The following PDE10A variants were observed in gnomAD, a reference collection of about 807,000 sequenced individuals.
PDE10A encodes cAMP and cAMP-inhibited cGMP 3',5'-cyclic phosphodiesterase 10A.
In PDE10A, 39 loss-of-function variants were observed where a neutral mutation model predicts 97.7. That is an observed-to-expected ratio of 0.40 (90% CI 0.31 to 0.52). PDE10A has a LOEUF of 0.52. Among genes scored for constraint, PDE10A ranks in the 20% least tolerant of loss-of-function variants. The probability of loss-of-function intolerance (pLI) is 0.56; values close to 1 mark genes in which losing one functional copy is unlikely to be tolerated. For missense variants in PDE10A, 731 were observed against 1,047.8 expected (o/e 0.70, Z 4.17); for synonymous variants, 371 against 376.8 (o/e 0.98, Z 0.18).
At chr6:165,473,372 A>G (rs934626828) in intron 3 of PDE10A, among the ~76,000 whole-genome samples, 1 of 152,192 alleles carries the variant, frequency 6.6e-6, no homozygotes, top group Admixed American at 6.5e-5. Context: ...TTTTAACTGA[A>G]TTAATGTAGC....
chr6:165,624,397 T>C (rs1788287827), intron 1 of PDE10A, among the ~76,000 whole-genome samples: 2 of 152,270 alleles, frequency 1.3e-5, no homozygotes, highest in Non-Finnish European at 2.9e-5. Context: ...GTGTCAATCA[T>C]GCTAGCACTG....
intron 1 of PDE10A, among the ~76,000 whole-genome samples, chr6:165,766,712 T>G (rs969197763): frequency 1.2e-4 from 19 of 152,212 alleles, no homozygotes; most frequent in Admixed American, 3.9e-4. Context: ...GGCTCAGCAG[T>G]GATTCAACCT....
chr6:165,927,414 A>G (rs1254055600), intron 1 of PDE10A, among the ~76,000 whole-genome samples: 1 of 152,008 alleles, frequency 6.6e-6, no homozygotes, highest in African/African-American at 2.4e-5. Context: ...ATTGATATGG[A>G]AAGATAATCA....
intron 1 of PDE10A, among the ~76,000 whole-genome samples, chr6:165,651,006 G>C (rs990234755): frequency 6.6e-6 from 1 of 152,198 alleles, no homozygotes; most frequent in African/African-American, 2.4e-5. Flanking sequence ...AAAGTGCTGG[G>C]ATTATAGGCG....
rs151114995 is a variant in PDE10A, at chr6:165,708,146, G to A, written c.-614-164578C>T. ...CTCCTGCCCTCGCATTGGAAGCCCC[G>A]GGAGCTGGGCTGTCAGGCACCTCCG... On this transcript the variant is annotated intron_variant, in intron 1 of 19. Coordinates refer to the PDE10A transcript ENST00000366882. Among the ~76,000 whole-genome samples the A allele has an allele frequency of 8.9e-4, 136 of 152,274 alleles. 2 individuals carry two copies. The East Asian group carries it at 0.025, about 28-fold the overall frequency.
At chr6:165,745,917 G>GT (rs758421193) in intron 1 of PDE10A, among the ~76,000 whole-genome samples, 3 of 152,206 alleles carry the variant, frequency 2.0e-5, no homozygotes, top group Non-Finnish European at 4.4e-5. Context: ...ATTGGGGTGT[G>GT]TGTCATTCTT....
At chr6:165,691,118 T>A (rs1371870822) in intron 1 of PDE10A, among the ~76,000 whole-genome samples, 1 of 22,542 alleles carries the variant, frequency 4.4e-5, no homozygotes, top group African/African-American at 1.2e-4. Context: ...CCCCCCCCCA[T>A]CAGTGCCTGT....
chr6:165,334,304 TAGCGCCTTAC>T (rs1478437668), intron 21 of PDE10A, among the ~76,000 whole-genome samples: 1 of 146,856 alleles, frequency 6.8e-6, no homozygotes, highest in Non-Finnish European at 1.5e-5. Flanking sequence ...CGCGCCTCCA[TAGCGCCTTAC>T]AGCGCCGGGC....
chr6:165,422,770 A>T (rs1788813821), intron 10 of PDE10A, among the ~76,000 whole-genome samples: 1 of 152,182 alleles, frequency 6.6e-6, no homozygotes, highest in South Asian at 2.1e-4. Context: ...TTCAAGAAAA[A>T]GTGAGGAGCA....
chr6:165,965,229 G>A (rs114286529), intron 1 of PDE10A, among the ~76,000 whole-genome samples: 1,634 of 152,318 alleles, frequency 0.011, 31 homozygotes, highest in African/African-American at 0.037. Context: ...GCCCCGAGGA[G>A]AGGGATGGCG....
intron 1 of PDE10A, among the ~76,000 whole-genome samples, chr6:165,707,775 G>A (rs1473471610): frequency 6.6e-6 from 1 of 152,090 alleles, no homozygotes; most frequent in Admixed American, 6.5e-5. Context: ...GTGTATGTGT[G>A]TGTGAGATTG....
At chr6:165,353,850 A>G (rs1329265156) in intron 18 of PDE10A, among the ~76,000 whole-genome samples, 2 of 152,302 alleles carry the variant, frequency 1.3e-5, no homozygotes, top group South Asian at 2.1e-4. Context: ...TTAAGCCTGC[A>G]TCCTAATGTA....
intron 1 of PDE10A, among the ~76,000 whole-genome samples, chr6:165,631,058 T>C (rs1176001916): frequency 1.3e-5 from 2 of 152,352 alleles, no homozygotes; most frequent in African/African-American, 2.4e-5. Flanking sequence ...CAGTTGTGTA[T>C]ATAGCCAGCT....
At chr6:165,839,125 T>C (rs989342506) in intron 1 of PDE10A, among the ~76,000 whole-genome samples, 1 of 152,258 alleles carries the variant, frequency 6.6e-6, no homozygotes, top group Non-Finnish European at 1.5e-5. Context: ...TACGCCAAAC[T>C]CTATCACTAA....
intron 1 of PDE10A, among the ~76,000 whole-genome samples, chr6:165,887,404 C>T (rs2089813): frequency 0.25 from 38,071 of 152,028 alleles, 5,620 homozygotes; most frequent in African/African-American, 0.41. Flanking sequence ...CCTTCTCTAC[C>T]GTCCCCAACT....
chr6:165,941,584 A>G (rs1783520672), intron 1 of PDE10A, among the ~76,000 whole-genome samples: 3 of 152,146 alleles, frequency 2.0e-5, no homozygotes, highest in Admixed American at 2.0e-4. Flanking sequence ...TCTTCCTGAT[A>G]GAGTTCTCAC....
intron 1 of PDE10A, among the ~76,000 whole-genome samples, chr6:165,763,509 GAC>G (rs1478139992): frequency 6.6e-6 from 1 of 152,180 alleles, no homozygotes; most frequent in African/African-American, 2.4e-5. Context: ...TTTTAGTGGA[GAC>G]ACAGTTTCGT....
rs149860098 is a variant in PDE10A at position 165,600,308 on chromosome 6, G to A, written c.866-56740C>T. Among the ~76,000 whole-genome samples, 1,223 of 152,310 alleles carry A rather than the reference G, an allele frequency of 8.0e-3. 10 individuals are homozygous for A. The highest frequency in any genetic ancestry group is 0.041 in the Middle Eastern group (12 of 294). On this transcript the variant is annotated intron_variant, in intron 1 of 21. Transcript: ENST00000539869. ...CGGGAGAGGGAGAGTGGCCAGCCAG[G>A]GCAGGGCTCTGAAGGACGATTGTCC...
intron 17 of PDE10A, among the ~76,000 whole-genome samples, chr6:165,383,539 C>G (rs962340393): frequency 1.3e-5 from 2 of 152,112 alleles, no homozygotes; most frequent in East Asian, 3.9e-4. Flanking sequence ...ACTTTCCTCA[C>G]GTAAAGCTTC....
Sources: allele counts gnomAD v4.1 joint callset (sites outside exome capture counted in the v4.1 genomes callset), GRCh38; gene constraint gnomAD v4.1.1; transcripts MANE v1.5; gene names NCBI Gene and HGNC (gene_info 2026-07-23, HGNC 2026-07-21).